Variants in UGT1A8 observed in about 807,000 individuals in gnomAD.
UGT1A8 encodes UDP-glucuronosyltransferase 1A8.
A neutral mutation model predicts 45.3 loss-of-function variants in UGT1A8; 39 were observed. That is an observed-to-expected ratio of 0.86 (90% CI 0.67 to 1.12). UGT1A8 has a LOEUF of 1.12. UGT1A8 is among the 50% of genes most tolerant of loss of function. The pLI is 0.00. For synonymous variants in UGT1A8, 275 were observed against 249.2 expected (o/e 1.10, Z -0.97); for missense variants, 719 against 664.9 (o/e 1.08, Z -0.90).
chr2:233,749,470 C>T (rs7604115), intron 1 of UGT1A8, among the ~76,000 whole-genome samples: 55,875 of 151,612 alleles, frequency 0.37, 10,826 homozygotes, highest in African/African-American at 0.42. Context: ...GGAACTGTGG[C>T]ACAGATCACT....
intron 1 of UGT1A8, chr2:233,693,996 G>A: frequency 6.6e-7 from 1 of 1,508,250 alleles, no homozygotes; most frequent in South Asian, 1.3e-5. Context: ...GTGATACCCG[G>A]CTCGGAGCAG....
At chr2:233,632,287 C>G (rs1487577516) in intron 1 of UGT1A8, among the ~76,000 whole-genome samples, 2 of 152,108 alleles carry the variant, frequency 1.3e-5, no homozygotes, top group African/African-American at 4.8e-5. Flanking sequence ...CAGCTTTGTT[C>G]TTTTTGCTTA....
chr2:233,743,673 G>A, intron 1 of UGT1A8: 1 of 1,367,190 alleles, frequency 7.3e-7, no homozygotes, highest in South Asian at 1.1e-5. Flanking sequence ...TCCTCGAAGG[G>A]CCTGCCGCCT....
At chr2:233,621,076 A>G (rs979177592) in intron 1 of UGT1A8, among the ~76,000 whole-genome samples, 4 of 152,158 alleles carry the variant, frequency 2.6e-5, no homozygotes, top group Admixed American at 6.5e-5. Flanking sequence ...ATCCAGGAGA[A>G]TTACATCCAG....
In UGT1A8 at chr2:233,618,215, A is replaced by G; in HGVS notation, c.508A>G (p.Arg170Gly). ...CTCCCTCCCCTCTGTGGTCTTCGCC[A>G]GGGGAATAGCTTGCCACTATCTTGA... Reference protein sequence around the residue: ...YFSLPSVVFARGIACHYLEEG... With the variant: ...YFSLPSVVFAGGIACHYLEEG... Residue 170 changes from arginine (R) to glycine (G), a missense_variant, in exon 1 of 5, where the codon AGG (arginine) becomes GGG (glycine). Physicochemically the swap from Arg to Gly is moderately radical, Grantham distance 125. Transcript: ENST00000373450. 5 of 1,613,946 alleles carry G rather than the reference A, an allele frequency of 3.1e-6. No homozygotes were observed. The highest frequency in any genetic ancestry group is 1.7e-4 in the Middle Eastern group (1 of 6,058).
intron 1 of UGT1A8, chr2:233,743,956 G>A (rs184316279): frequency 9.0e-5 from 120 of 1,338,248 alleles, no homozygotes; most frequent in Middle Eastern, 2.2e-4. Flanking sequence ...CTGGCACAGC[G>A]AGCGGCAAGG....
intron 1 of UGT1A8, among the ~76,000 whole-genome samples, chr2:233,635,463 A>C (rs28969976): frequency 0.032 from 4,751 of 150,796 alleles, 440 homozygotes; most frequent in African/African-American, 0.11. Flanking sequence ...ATACTTTTAA[A>C]CAATCAAATC....
At chr2:233,647,056 T>C (rs1436122601) in intron 1 of UGT1A8, among the ~76,000 whole-genome samples, 2 of 152,134 alleles carry the variant, frequency 1.3e-5, no homozygotes, top group African/African-American at 4.8e-5. Context: ...ACATCCTCCA[T>C]GGATGGCAGC....
At chr2:233,706,081 C>A (rs1426237626) in intron 1 of UGT1A8, among the ~76,000 whole-genome samples, 2 of 151,228 alleles carry the variant, frequency 1.3e-5, no homozygotes, top group Non-Finnish European at 2.9e-5. Flanking sequence ...GGTGACAGAG[C>A]TAGATTCTGT....
chr2:233,672,341 A>G (rs750055600), intron 1 of UGT1A8: 2 of 1,614,054 alleles, frequency 1.2e-6, no homozygotes, highest in Non-Finnish European at 1.7e-6. Context: ...TTAGTAGAAT[A>G]CTTAAAGGAG....
At chr2:233,679,729 C>A (rs1247497238) in intron 1 of UGT1A8, among the ~76,000 whole-genome samples, 1 of 152,072 alleles carries the variant, frequency 6.6e-6, no homozygotes, top group Non-Finnish European at 1.5e-5. Flanking sequence ...TAAAGCCAAA[C>A]CTCTTTGTAA....
At chr2:233,634,098 T>C (rs1271267405) in intron 1 of UGT1A8, among the ~76,000 whole-genome samples, 1 of 152,230 alleles carries the variant, frequency 6.6e-6, no homozygotes, top group African/African-American at 2.4e-5. Flanking sequence ...GGTTGTTCAG[T>C]TTCCATGTAG....
intron 1 of UGT1A8, chr2:233,671,835 C>A: frequency 6.8e-7 from 1 of 1,460,502 alleles, no homozygotes; most frequent in Non-Finnish European, 9.1e-7. Context: ...GATAAAAACA[C>A]GCCCTCTATT....
intron 1 of UGT1A8, among the ~76,000 whole-genome samples, chr2:233,632,672 T>C (rs1189344103): frequency 5.9e-5 from 9 of 152,118 alleles, no homozygotes; most frequent in African/African-American, 1.9e-4. Context: ...GATTTTTGCA[T>C]ATTGATTTTG....
chr2:233,718,041 G>C, intron 1 of UGT1A8: 1 of 376,232 alleles, frequency 2.7e-6, no homozygotes, highest in South Asian at 2.0e-5. Flanking sequence ...TGGTGAGCAG[G>C]AGCTCCCTGA....
In UGT1A8 at chr2:233,754,546, T is replaced by C. The variant is rs548396817; in HGVS notation, c.856-12488T>C. The C allele has an allele frequency of 8.9e-5, 34 of 380,532 alleles. No homozygotes were observed. In the Middle Eastern group the frequency reaches 1.9e-3, roughly 21 times the overall value. 23.6% of individuals were successfully genotyped at this position (380,532 alleles called of 1,614,324 possible). A position where few individuals can be genotyped will look rare whatever the true frequency, so the allele number is the denominator to read the frequency against. On this transcript the variant is annotated intron_variant, in intron 1 of 4. Transcript: ENST00000373450. ...AAAGGCAAATGTGGACTGGAATTAC[T>C]TGGTGTCAATGGGGAGCAACTGCTC...
In UGT1A8 at chr2:233,618,260, G is replaced by A. The variant is rs1185069954; in HGVS notation, c.553G>A (p.Ala185Thr). ...HYLEEGAQCP[A>T]PLSYVPRILL... ...TCTTGAAGAAGGTGCACAGTGCCCTGCTCCTCTTTCCTATGTCCCCAGAAT... is the reference window on the plus strand; with the variant it reads ...TCTTGAAGAAGGTGCACAGTGCCCTACTCCTCTTTCCTATGTCCCCAGAAT... The change falls in exon 1 of 5, where the codon GCT (alanine) becomes ACT (threonine). Residue 185 changes from alanine to threonine, a missense_variant. Ala to Thr is a moderately conservative substitution (Grantham distance 58). Coordinates refer to ENST00000373450, the MANE Select transcript of UGT1A8 (RefSeq NM_019076.5). 4 of 1,613,928 alleles carry A rather than the reference G, an allele frequency of 2.5e-6. No homozygotes were observed. Among genetic ancestry groups the A allele is most frequent in the Non-Finnish European group, 2.5e-6 (3 of 1,179,860 alleles).
intron 1 of UGT1A8, among the ~76,000 whole-genome samples, chr2:233,714,661 A>G (rs2076404263): frequency 6.6e-6 from 1 of 152,228 alleles, no homozygotes; most frequent in African/African-American, 2.4e-5. Context: ...TTATTTAACC[A>G]GATGTATCCC....
chr2:233,700,832 A>C (rs2075591149), intron 1 of UGT1A8, among the ~76,000 whole-genome samples: 1 of 152,014 alleles, frequency 6.6e-6, no homozygotes, highest in Non-Finnish European at 1.5e-5. Flanking sequence ...TTAACTCGTC[A>C]TTTAGCATTA....
Sources: gnomAD v4.1 joint callset for allele counts (sites outside exome capture counted in the v4.1 genomes callset) on GRCh38, gnomAD v4.1.1 for gene constraint, MANE v1.5 for transcripts, NCBI Gene and HGNC (gene_info 2026-07-23, HGNC 2026-07-21) for gene names.